EYA1: variants seen among roughly 807,000 people sequenced by gnomAD.
The protein encoded by EYA1 is EYA transcriptional coactivator and phosphatase 1.
In EYA1, 16 loss-of-function variants were observed where a neutral mutation model predicts 82.0. The observed-to-expected ratio is 0.20, with a 90% confidence interval of 0.13 to 0.30. The LOEUF (loss-of-function observed/expected upper bound fraction) is 0.30. Ranked by LOEUF, EYA1 falls within the 10% of genes least tolerant of loss-of-function variation. EYA1 has a pLI of 1.00. For synonymous variants in EYA1, 261 were observed against 264.4 expected (o/e 0.99, Z 0.12); for missense variants, 633 against 730.7 (o/e 0.87, Z 1.54).
chr8:71,235,139 G>A (rs1320791920), intron 12 of EYA1, among the ~76,000 whole-genome samples: 1 of 152,172 alleles, frequency 6.6e-6, no homozygotes, highest in Admixed American at 6.5e-5. Context: ...TAGGCTGGCT[G>A]AGACAGTCTC....
At chr8:71,329,618 C>A (rs372144274) in intron 4 of EYA1, among the ~76,000 whole-genome samples, 30 of 152,274 alleles carry the variant, frequency 2.0e-4, no homozygotes, top group East Asian at 1.7e-3. Flanking sequence ...TGAGTCACTT[C>A]GGAGGAAAAA....
intron 2 of EYA1, among the ~76,000 whole-genome samples, chr8:71,509,440 C>A (rs1170188717): frequency 6.6e-6 from 1 of 152,020 alleles, no homozygotes; most frequent in Non-Finnish European, 1.5e-5. Flanking sequence ...CAGTTGGCTC[C>A]TTCATAAAGC....
At position 71,315,970 on chromosome 8, in the gene EYA1, G is replaced by A. The variant is rs1450862032; in HGVS notation, c.556+1582C>T. On this transcript the variant is annotated intron_variant, in intron 7 of 17. Coordinates refer to ENST00000340726, the MANE Select transcript of EYA1 (RefSeq NM_000503.6). ...TTGTAGTTTGCCATACAGGAAAATA[G>A]ACTCTTAAAAATGATAAATAAAAAA... Among the ~76,000 whole-genome samples the A allele has an allele frequency of 9.9e-5, 15 of 151,920 alleles. No individual in the cohort carries two copies. The East Asian group carries it at 2.9e-3, about 29-fold the overall frequency.
chr8:71,289,560 T>C (rs1403517468), intron 9 of EYA1, among the ~76,000 whole-genome samples: 3 of 152,206 alleles, frequency 2.0e-5, no homozygotes, highest in Admixed American at 6.5e-5. Context: ...TCAGACACAG[T>C]GGTTTCAAGC....
At chr8:71,365,611 C>A (rs1563539228), upstream of EYA1, among the ~76,000 whole-genome samples, 1 of 152,156 alleles carries the variant, frequency 6.6e-6, no homozygotes, top group Non-Finnish European at 1.5e-5. Context: ...TACTTCCAGT[C>A]TTCCTGGTTT....
intron 2 of EYA1, among the ~76,000 whole-genome samples, chr8:71,475,975 A>G (rs745393326): frequency 4.6e-5 from 7 of 152,188 alleles, no homozygotes; most frequent in Non-Finnish European, 8.8e-5. Flanking sequence ...CCTAATTTAA[A>G]GCTGGAAGAA....
intron 11 of EYA1, among the ~76,000 whole-genome samples, chr8:71,262,809 G>C (rs532337055): frequency 6.6e-6 from 1 of 152,290 alleles, no homozygotes; most frequent in Admixed American, 6.5e-5. Flanking sequence ...TGCCTGTTTG[G>C]CTGGCATTTG....
At chr8:71,280,343 A>G (rs1008341157) in intron 9 of EYA1, among the ~76,000 whole-genome samples, 2 of 152,248 alleles carry the variant, frequency 1.3e-5, no homozygotes, top group African/African-American at 4.8e-5. Flanking sequence ...GGTGAATGAA[A>G]AAAGGATATG....
intron 12 of EYA1, among the ~76,000 whole-genome samples, chr8:71,243,904 A>G (rs1304764552): frequency 6.6e-6 from 1 of 152,274 alleles, no homozygotes; most frequent in Non-Finnish European, 1.5e-5. Flanking sequence ...AGCTTGCTTA[A>G]CAGCGGAATT....
At chr8:71,255,872 A>G (rs931299885) in intron 11 of EYA1, among the ~76,000 whole-genome samples, 3 of 114,324 alleles carry the variant, frequency 2.6e-5, no homozygotes, top group Admixed American at 8.8e-5. Flanking sequence ...ATGACTCAAT[A>G]AAAAAAACCC....
rs1323663223 is a variant in EYA1, at chr8:71,402,684, C to A, written c.34-46173G>T. ...TTTTGCATTGAAGAGTAGGGCAAGA[C>A]TGGACTTCACAGATAATACAAGTTA... On this transcript the variant is annotated intron_variant, in intron 2 of 18. Transcript: ENST00000643681. Among the ~76,000 whole-genome samples the A allele has an allele frequency of 2.0e-5, 3 of 152,090 alleles. No homozygotes were observed. The East Asian group carries it at 5.8e-4, about 29-fold the overall frequency.
chr8:71,327,026 G>C (rs1823235735), intron 4 of EYA1, among the ~76,000 whole-genome samples: 1 of 152,110 alleles, frequency 6.6e-6, no homozygotes, highest in Admixed American at 6.6e-5. Flanking sequence ...TCCTCTAAAA[G>C]AGACTCCCAT....
intron 2 of EYA1, among the ~76,000 whole-genome samples, chr8:71,498,039 G>C (rs1467929820): frequency 6.6e-6 from 1 of 152,076 alleles, no homozygotes; most frequent in African/African-American, 2.4e-5. Flanking sequence ...ACAGGGACTA[G>C]GGTGGTTGGG....
chr8:71,485,778 G>A (rs1373998948), intron 2 of EYA1, among the ~76,000 whole-genome samples: 1 of 152,160 alleles, frequency 6.6e-6, no homozygotes, highest in Non-Finnish European at 1.5e-5. Flanking sequence ...GGGCTGAAAT[G>A]TTTCCAAAAG....
At chr8:71,507,423 G>A (rs1812273041) in intron 2 of EYA1, among the ~76,000 whole-genome samples, 1 of 152,100 alleles carries the variant, frequency 6.6e-6, no homozygotes. Context: ...CTAACAAACT[G>A]TCTTGGCAAA....
intron 12 of EYA1, among the ~76,000 whole-genome samples, chr8:71,225,756 C>T (rs1028793255): frequency 1.3e-5 from 2 of 152,160 alleles, no homozygotes; most frequent in Non-Finnish European, 2.9e-5. Context: ...GGAATTTCAG[C>T]ATCTATTTTC....
At chr8:71,244,489 A>G in intron 12 of EYA1, 114 bp downstream of exon 12, 1 of 660,874 alleles carries the variant, frequency 1.5e-6, no homozygotes, top group Non-Finnish European at 2.7e-6. Flanking sequence ...ATTACCAACA[A>G]ACCTCTGTCT....
At chr8:71,423,115 A>C (rs1024257515) in intron 2 of EYA1, among the ~76,000 whole-genome samples, 6 of 152,168 alleles carry the variant, frequency 3.9e-5, no homozygotes, top group Non-Finnish European at 7.3e-5. Context: ...GTTATAAAGT[A>C]CTAATGTTCA....
At chr8:71,478,642 C>A (rs7002602) in intron 2 of EYA1, among the ~76,000 whole-genome samples, 23,390 of 152,078 alleles carry the variant, frequency 0.15, 3,186 homozygotes, top group East Asian at 0.47. Flanking sequence ...TGCTGTGGAC[C>A]TCAGCCACGT....
Sources: gnomAD v4.1 joint callset for allele counts (sites outside exome capture counted in the v4.1 genomes callset) on GRCh38, gnomAD v4.1.1 for gene constraint, MANE v1.5 for transcripts, NCBI Gene and HGNC (gene_info 2026-07-23, HGNC 2026-07-21) for gene names.